The following EPHA5 variants were observed in gnomAD, a reference collection of about 807,000 sequenced individuals.
EPHA5 encodes the protein EPH receptor A5, also known as ephrin type-A receptor 5.
Under a neutral mutation model 105.0 loss-of-function variants are expected in EPHA5, and 60 were observed. The observed-to-expected ratio is 0.57, with a 90% CI of 0.46 to 0.71. EPHA5 has a LOEUF of 0.71. Among genes scored for constraint, EPHA5 ranks in the 30% least tolerant of loss-of-function variants. The pLI, the probability that EPHA5 is intolerant of heterozygous loss-of-function variation, is 0.00. For synonymous variants in EPHA5, 513 were observed against 449.1 expected, an observed-to-expected ratio of 1.14 and a Z score of -1.80; for missense variants, 1,218 against 1,274.7, an observed-to-expected ratio of 0.96 and a Z score of 0.68.
At chr4:65,647,749 T>G (rs1748250987) in intron 1 of EPHA5, among the ~76,000 whole-genome samples, 1 of 152,190 alleles carries the variant, frequency 6.6e-6, no homozygotes, top group Non-Finnish European at 1.5e-5. Context: ...GACTTTTCCC[T>G]GAGCCATTGT....
At chr4:65,630,677 G>T (rs897012086) in intron 2 of EPHA5, among the ~76,000 whole-genome samples, 2 of 152,016 alleles carry the variant, frequency 1.3e-5, no homozygotes, top group African/African-American at 4.8e-5. Context: ...TTCTGCCTTA[G>T]GTTGCCTCAA....
At chr4:65,563,828 A>G (rs1026472464) in intron 3 of EPHA5, among the ~76,000 whole-genome samples, 2 of 152,004 alleles carry the variant, frequency 1.3e-5, no homozygotes, top group African/African-American at 4.8e-5. Context: ...AGAGATTTTT[A>G]TATGCAAAGT....
intron 3 of EPHA5, among the ~76,000 whole-genome samples, chr4:65,576,801 C>A (rs1741101819): frequency 6.6e-6 from 1 of 152,146 alleles, no homozygotes; most frequent in East Asian, 1.9e-4. Flanking sequence ...ATCTCTCACC[C>A]TAGACACATA....
intron 3 of EPHA5, among the ~76,000 whole-genome samples, chr4:65,552,332 G>A (rs189014997): frequency 5.1e-4 from 78 of 152,268 alleles, no homozygotes; most frequent in Non-Finnish European, 8.2e-4. Context: ...CGGTTTATCC[G>A]TTATTACTGC....
chr4:65,643,546 T>C, intron 1 of EPHA5, 119 bp from the exon 2 acceptor site: 1 of 725,988 alleles, frequency 1.4e-6, no homozygotes, highest in South Asian at 1.8e-5. Flanking sequence ...AAGTGTTCAT[T>C]ATGATGAATA....
chr4:65,626,700 A>G (rs1746191756), intron 2 of EPHA5, among the ~76,000 whole-genome samples: 1 of 152,214 alleles, frequency 6.6e-6, no homozygotes, highest in Non-Finnish European at 1.5e-5. Flanking sequence ...CTACATGCTC[A>G]CATGTAATAC....
intron 3 of EPHA5, among the ~76,000 whole-genome samples, chr4:65,496,484 GT>G (rs1322186596): frequency 6.7e-6 from 1 of 149,904 alleles, no homozygotes; most frequent in African/African-American, 2.5e-5. Flanking sequence ...GTGGTGTTTG[GT>G]TTTTTGTTCT....
At chr4:65,334,563 G>C (rs190999294) in intron 15 of EPHA5, among the ~76,000 whole-genome samples, 1 of 151,802 alleles carries the variant, frequency 6.6e-6, no homozygotes, top group African/African-American at 2.4e-5. Context: ...GGTAGGGATG[G>C]AGAAAGGGCG....
intron 8 of EPHA5, among the ~76,000 whole-genome samples, chr4:65,371,569 T>G (rs1718473817): frequency 6.6e-6 from 1 of 152,014 alleles, no homozygotes. Flanking sequence ...AACGAATAAC[T>G]TAGTTCTTGA....
In EPHA5 at chr4:65,348,815, A is replaced by ATATATTTT. The variant is rs71657404; in HGVS notation, c.2446-613_2446-612insAAAATATA. On this transcript the variant is annotated intron_variant, in intron 13 of 16. Transcript: ENST00000613740. ...TGTGTATATATATATATATATATATATTTTTTTTTTTTTTTTTTGAGACAG... is the reference window on the plus strand; with the variant it reads ...TGTGTATATATATATATATATATATATATATTTTTTTTTTTTTTTTTTTTTTGAGACAG... 3.9e-3 allele frequency among the ~76,000 whole-genome samples: 252 copies of ATATATTTT among 64,094 alleles called. 13 individuals are homozygous for ATATATTTT. The highest frequency in any genetic ancestry group is 5.8e-3 in the Non-Finnish European group (215 of 37,242). The allele number at this position is 64,094 out of a possible 152,430, so 42.0% of individuals were successfully genotyped here.
intron 5 of EPHA5, among the ~76,000 whole-genome samples, chr4:65,457,261 C>G (rs560737526): frequency 5.3e-5 from 8 of 152,214 alleles, no homozygotes; most frequent in African/African-American, 1.9e-4. Context: ...CAGTCTTCTA[C>G]TTAGGCTTCT....
At chr4:65,507,254 G>A (rs1733132318) in intron 3 of EPHA5, among the ~76,000 whole-genome samples, 1 of 152,104 alleles carries the variant, frequency 6.6e-6, no homozygotes, top group Admixed American at 6.5e-5. Context: ...GTACCATGCT[G>A]TTTTGGTTAC....
At chr4:65,567,946 G>C (rs749963274) in intron 3 of EPHA5, among the ~76,000 whole-genome samples, 3 of 151,272 alleles carry the variant, frequency 2.0e-5, no homozygotes, top group East Asian at 3.9e-4. Context: ...TTCTTCAGGG[G>C]CAATAAATTA....
intron 8 of EPHA5, among the ~76,000 whole-genome samples, chr4:65,402,185 T>G (rs1721911632): frequency 6.6e-6 from 1 of 152,024 alleles, no homozygotes; most frequent in Non-Finnish European, 1.5e-5. Flanking sequence ...TGAACAGGTC[T>G]CTTCCTCCAT....
chr4:65,608,875 AT>A (rs1195774741), intron 2 of EPHA5, among the ~76,000 whole-genome samples: 1 of 152,156 alleles, frequency 6.6e-6, no homozygotes, highest in African/African-American at 2.4e-5. Flanking sequence ...CTTATAAATT[AT>A]TTTTTCTCTT....
intron 3 of EPHA5, among the ~76,000 whole-genome samples, chr4:65,550,801 A>C (rs775441133): frequency 3.9e-5 from 6 of 152,146 alleles, no homozygotes; most frequent in Non-Finnish European, 8.8e-5. Context: ...ATGCCACTGC[A>C]CTCCAGCCTG....
intron 8 of EPHA5, among the ~76,000 whole-genome samples, chr4:65,380,851 A>G (rs1009828455): frequency 1.3e-5 from 2 of 151,742 alleles, no homozygotes; most frequent in African/African-American, 4.8e-5. Flanking sequence ...AAACCTATCA[A>G]AAGGCAATAA....
chr4:65,513,124 A>G (rs1359267015), intron 3 of EPHA5, among the ~76,000 whole-genome samples: 1 of 152,128 alleles, frequency 6.6e-6, no homozygotes, highest in Non-Finnish European at 1.5e-5. Context: ...TACTCTGATG[A>G]TTTATGTCAT....
intron 3 of EPHA5, among the ~76,000 whole-genome samples, chr4:65,592,551 T>A (rs972737838): frequency 6.7e-6 from 1 of 150,264 alleles, no homozygotes; most frequent in Non-Finnish European, 1.5e-5. Flanking sequence ...AAGAAAAAAA[T>A]TTACACAAGG....
Sources: gnomAD v4.1 joint callset for allele counts (sites outside exome capture counted in the v4.1 genomes callset) on GRCh38, gnomAD v4.1.1 for gene constraint, MANE v1.5 for transcripts, NCBI Gene and HGNC (gene_info 2026-07-23, HGNC 2026-07-21) for gene names.